CSTPP1: variants seen among roughly 807,000 people sequenced by gnomAD.
The protein encoded by CSTPP1 is centriolar satellite-associated tubulin polyglutamylase complex regulator 1, also known as UPF0705 protein C11orf49.
the CSTPP1 span, among the ~76,000 whole-genome samples, chr11:47,036,621 C>T: frequency 8.0e-6 from 1 of 125,694 alleles, no homozygotes; most frequent in African/African-American, 2.5e-5. Context: ...AGAATGTAAC[C>T]TGTAGTGTTG....
chr11:47,164,086 G>A, the CSTPP1 span: 11 of 1,600,628 alleles, frequency 6.9e-6, no homozygotes, highest in Middle Eastern at 1.7e-4. Context: ...TCCTCTGCGT[G>A]CCACAGGGTG....
At chr11:47,041,721 T>A in the CSTPP1 span, 1 of 526,560 alleles carries the variant, frequency 1.9e-6, no homozygotes, top group Non-Finnish European at 3.8e-6. Context: ...TGTCAGAGCC[T>A]TTGACCTTGG....
the CSTPP1 span, among the ~76,000 whole-genome samples, chr11:47,048,226 A>G: frequency 6.6e-6 from 1 of 152,356 alleles, no homozygotes; most frequent in South Asian, 2.1e-4. Flanking sequence ...ATTATTCACA[A>G]TAGCCAAAAG....
the CSTPP1 span, among the ~76,000 whole-genome samples, chr11:47,110,570 AG>A: frequency 6.6e-6 from 1 of 152,210 alleles, no homozygotes; most frequent in Non-Finnish European, 1.5e-5. Context: ...ATAGAGACCA[AG>A]TACTACAAAC....
At chr11:46,970,688 GA>G in the CSTPP1 span, among the ~76,000 whole-genome samples, 10 of 152,078 alleles carry the variant, frequency 6.6e-5, no homozygotes, top group East Asian at 1.9e-3. Flanking sequence ...CAGATAAAAG[GA>G]AAATGACAGA....
At chr11:47,092,914 G>A in the CSTPP1 span, among the ~76,000 whole-genome samples, 1 of 151,656 alleles carries the variant, frequency 6.6e-6, no homozygotes, top group African/African-American at 2.4e-5. Flanking sequence ...ACAGGGGCAG[G>A]GATTTTCGTC....
the CSTPP1 span, among the ~76,000 whole-genome samples, chr11:46,947,808 C>T: frequency 6.6e-6 from 1 of 152,090 alleles, no homozygotes; most frequent in African/African-American, 2.4e-5. Context: ...CTGCTTGTGC[C>T]CCAGGACTTC....
At chr11:46,971,260 A>G in the CSTPP1 span, among the ~76,000 whole-genome samples, 1 of 152,240 alleles carries the variant, frequency 6.6e-6, no homozygotes, top group Non-Finnish European at 1.5e-5. Flanking sequence ...GAGAAAGGTA[A>G]GTTAACTAAA....
the CSTPP1 span, among the ~76,000 whole-genome samples, chr11:46,989,579 G>C: frequency 6.6e-6 from 1 of 152,194 alleles, no homozygotes; most frequent in Non-Finnish European, 1.5e-5. Flanking sequence ...GGGATTGTAG[G>C]CATGAGCCAC....
At chr11:47,044,349 T>C in the CSTPP1 span, among the ~76,000 whole-genome samples, 6 of 152,064 alleles carry the variant, frequency 3.9e-5, no homozygotes, top group Non-Finnish European at 5.9e-5. Context: ...TTGTTGTTGT[T>C]AGTTCTGGAA....
the CSTPP1 span, among the ~76,000 whole-genome samples, chr11:47,116,630 A>G: frequency 6.1e-5 from 9 of 147,564 alleles, no homozygotes; most frequent in Non-Finnish European, 1.0e-4. Context: ...ATCAGAGACT[A>G]GGATTGCAAT....
the CSTPP1 span, among the ~76,000 whole-genome samples, chr11:47,003,045 C>G: frequency 6.6e-6 from 1 of 152,128 alleles, no homozygotes; most frequent in Non-Finnish European, 1.5e-5. Flanking sequence ...ATTATAGGCT[C>G]ACACCTATAA....
the CSTPP1 span, among the ~76,000 whole-genome samples, chr11:47,110,960 G>A: frequency 2.1e-4 from 31 of 147,868 alleles, no homozygotes; most frequent in Middle Eastern, 3.5e-3. Context: ...CGCAATCACG[G>A]CTCACTGCAA....
the CSTPP1 span, chr11:47,156,989 G>A: frequency 2.5e-4 from 409 of 1,610,490 alleles, 1 homozygote; most frequent in African/African-American, 2.5e-3. Flanking sequence ...TGCCTGAGCC[G>A]TCCACACCCA....
At chr11:47,146,881 T>C in the CSTPP1 span, among the ~76,000 whole-genome samples, 1 of 152,190 alleles carries the variant, frequency 6.6e-6, no homozygotes, top group Non-Finnish European at 1.5e-5. Context: ...CTGATGAATC[T>C]CAAAATATCA....
chr11:47,059,840 C>T, the CSTPP1 span, among the ~76,000 whole-genome samples: 2 of 152,206 alleles, frequency 1.3e-5, no homozygotes, highest in African/African-American at 4.8e-5. Flanking sequence ...CGCGGTGACT[C>T]ATGCCTGTAA....
chr11:46,962,395 G>A, the CSTPP1 span, among the ~76,000 whole-genome samples: 97 of 152,020 alleles, frequency 6.4e-4, no homozygotes, highest in African/African-American at 2.0e-3. Flanking sequence ...CTTCTTTTTC[G>A]AGATTGTTTT....
chr11:47,135,209 C>G, the CSTPP1 span, among the ~76,000 whole-genome samples: 4 of 152,010 alleles, frequency 2.6e-5, no homozygotes, highest in African/African-American at 9.7e-5. Context: ...AAAACAGAAC[C>G]AAAACAAACT....
the CSTPP1 span, among the ~76,000 whole-genome samples, chr11:46,993,651 C>T: frequency 2.0e-5 from 3 of 152,070 alleles, no homozygotes; most frequent in Non-Finnish European, 4.4e-5. Context: ...TGTTTTGGTA[C>T]CAGTACCATG....
Sources: allele counts gnomAD v4.1 joint callset (sites outside exome capture counted in the v4.1 genomes callset), GRCh38; gene constraint gnomAD v4.1.1; transcripts MANE v1.5; gene names NCBI Gene and HGNC (gene_info 2026-07-23, HGNC 2026-07-21).